Variants in SORCS3 observed in about 807,000 individuals in gnomAD.
SORCS3 encodes the protein sortilin related VPS10 domain containing receptor 3, also known as VPS10 domain-containing receptor SorCS3.
In SORCS3, 57 loss-of-function variants were observed where a neutral mutation model predicts 146.3. That is an observed-to-expected ratio of 0.39 (90% CI 0.31 to 0.49). The LOEUF is 0.49. Ranked by LOEUF, SORCS3 falls within the 20% of genes least tolerant of loss-of-function variation. SORCS3 has a pLI of 0.92. For synonymous variants in SORCS3, 653 were observed against 618.5 expected (o/e 1.06, Z -0.83); for missense variants, 1,341 against 1,575.5 (o/e 0.85, Z 2.52).
chr10:104,674,076 CAT>C (rs2015886828), intron 1 of SORCS3, among the ~76,000 whole-genome samples: 1 of 152,214 alleles, frequency 6.6e-6, no homozygotes, highest in Admixed American at 6.5e-5. Flanking sequence ...AAGATCAAGA[CAT>C]AGAACAATTT....
chr10:104,912,745 C>T (rs933430306), intron 2 of SORCS3, among the ~76,000 whole-genome samples: 2 of 152,164 alleles, frequency 1.3e-5, no homozygotes, highest in African/African-American at 4.8e-5. Context: ...AAACATGGTT[C>T]TAGTCTTCAA....
At chr10:105,174,706 CGTT>C (rs1367593496) in intron 13 of SORCS3, among the ~76,000 whole-genome samples, 3 of 152,084 alleles carry the variant, frequency 2.0e-5, no homozygotes, top group Admixed American at 6.5e-5. Context: ...TCTACCTGGA[CGTT>C]GTTGTTTATC....
At chr10:104,648,367 T>C (rs949554139) in intron 1 of SORCS3, among the ~76,000 whole-genome samples, 4 of 152,220 alleles carry the variant, frequency 2.6e-5, no homozygotes, top group African/African-American at 9.6e-5. Flanking sequence ...TCTCCTTTCT[T>C]CTCAGGTTAA....
chr10:104,690,221 G>A (rs375702830), intron 1 of SORCS3, among the ~76,000 whole-genome samples: 8 of 152,278 alleles, frequency 5.3e-5, no homozygotes, highest in African/African-American at 1.7e-4. Context: ...TAATTCTTGG[G>A]GTTGAAGCAC....
At chr10:104,753,279 C>A (rs1408630045) in intron 1 of SORCS3, among the ~76,000 whole-genome samples, 1 of 152,154 alleles carries the variant, frequency 6.6e-6, no homozygotes, top group Non-Finnish European at 1.5e-5. Flanking sequence ...TGGGTGGAAC[C>A]AGGGCCACCT....
At chr10:104,983,576 A>C (rs61867172) in intron 4 of SORCS3, among the ~76,000 whole-genome samples, 20,914 of 152,122 alleles carry the variant, frequency 0.14, 1,564 homozygotes, top group Middle Eastern at 0.19. Context: ...GAGGTAGAGC[A>C]ATGCAGCCTC....
intron 1 of SORCS3, among the ~76,000 whole-genome samples, chr10:104,825,746 C>T (rs115246242): frequency 0.013 from 1,959 of 152,226 alleles, 30 homozygotes; most frequent in African/African-American, 0.035. Flanking sequence ...CCTGTTGCTG[C>T]GCTGCATGCT....
Position 104,863,644 on chromosome 10 carries a change from G to T in SORCS3, c.695+20785G>T, listed in dbSNP as rs146997214. On this transcript the variant is annotated intron_variant, in intron 2 of 26. Coordinates refer to ENST00000369701, the MANE Select transcript of SORCS3 (RefSeq NM_014978.3). ...CCGTTTAAGTCTCCTTGATCTTGAG[G>T]TTAGGAGTCTGTTGAAAGCCTGCCT... is the stretch of plus-strand genomic sequence containing the variant. Among the ~76,000 whole-genome samples the T allele has an allele frequency of 5.7e-3, 869 of 152,298 alleles. 14 individuals carry two copies. Among genetic ancestry groups the T allele is most frequent in the African/African-American group, 0.019 (808 of 41,552 alleles).
rs540816636 is a variant in SORCS3 at position 105,056,226 on chromosome 10, G to A, written c.1028+13098G>A. ...TAGTTAGTTGATCCGCTAGAATAGC[G>A]TTTCTCAACCTCTATGTTTTTGACA... On this transcript the variant is annotated intron_variant, in intron 5 of 26. Coordinates refer to ENST00000369701, the MANE Select transcript of SORCS3 (RefSeq NM_014978.3). 2.8e-4 allele frequency among the ~76,000 whole-genome samples: 43 copies of A among 152,298 alleles called. 1 individual carries two copies. The highest frequency in any genetic ancestry group is 2.6e-3 in the Admixed American group (39 of 15,288).
At chr10:105,160,702 A>G (rs954565923) in intron 11 of SORCS3, among the ~76,000 whole-genome samples, 31 of 152,224 alleles carry the variant, frequency 2.0e-4, no homozygotes, top group African/African-American at 7.5e-4. Context: ...TGTGTTACTT[A>G]TCATCATTAA....
chr10:104,910,297 G>A (rs1013373316), intron 2 of SORCS3, among the ~76,000 whole-genome samples: 5 of 152,196 alleles, frequency 3.3e-5, no homozygotes, highest in Non-Finnish European at 5.9e-5. Flanking sequence ...TAAATAGCCA[G>A]TGAAGTAGAA....
chr10:104,952,226 C>T (rs1372984541), intron 3 of SORCS3, among the ~76,000 whole-genome samples: 1 of 129,432 alleles, frequency 7.7e-6, no homozygotes, highest in Non-Finnish European at 1.6e-5. Flanking sequence ...AGCACACTCT[C>T]CAGGTGATTC....
intron 1 of SORCS3, among the ~76,000 whole-genome samples, chr10:104,840,717 A>T (rs1396649696): frequency 6.6e-6 from 1 of 152,074 alleles, no homozygotes; most frequent in African/African-American, 2.4e-5. Context: ...ATTAAGTGAA[A>T]CTCTTACCCT....
At chr10:104,642,615 A>C (rs2015439920) in intron 1 of SORCS3, among the ~76,000 whole-genome samples, 1 of 152,108 alleles carries the variant, frequency 6.6e-6, no homozygotes, top group Non-Finnish European at 1.5e-5. Flanking sequence ...CGTAAAAAAA[A>C]GTTTAAAGCG....
chr10:104,731,804 A>G (rs893030206), intron 1 of SORCS3, among the ~76,000 whole-genome samples: 4 of 152,180 alleles, frequency 2.6e-5, no homozygotes. Flanking sequence ...TGTTCAAAGC[A>G]TGAGTGAGGA....
intron 1 of SORCS3, among the ~76,000 whole-genome samples, chr10:104,685,190 A>G (rs1162981840): frequency 6.6e-6 from 1 of 152,222 alleles, no homozygotes; most frequent in East Asian, 1.9e-4. Flanking sequence ...GCAGACATGC[A>G]ATGCAAAAAG....
intron 4 of SORCS3, among the ~76,000 whole-genome samples, chr10:105,028,265 A>G (rs2055243677): frequency 6.6e-6 from 1 of 152,244 alleles, no homozygotes. Flanking sequence ...ATCTAGAACC[A>G]TGCCTGGCTC....
intron 5 of SORCS3, among the ~76,000 whole-genome samples, chr10:105,088,882 C>T (rs1205785622): frequency 1.3e-5 from 2 of 152,192 alleles, no homozygotes; most frequent in African/African-American, 2.4e-5. Flanking sequence ...GACTGGAAAA[C>T]CAGAATACAA....
chr10:105,057,073 G>T (rs900319123), intron 5 of SORCS3, among the ~76,000 whole-genome samples: 1 of 152,176 alleles, frequency 6.6e-6, no homozygotes, highest in Non-Finnish European at 1.5e-5. Flanking sequence ...AAAAGTTAGA[G>T]TGGGAAGAAC....
Sources: gnomAD v4.1 joint callset for allele counts (sites outside exome capture counted in the v4.1 genomes callset) on GRCh38, gnomAD v4.1.1 for gene constraint, MANE v1.5 for transcripts, NCBI Gene and HGNC (gene_info 2026-07-23, HGNC 2026-07-21) for gene names.